PACRG: variants seen among roughly 807,000 people sequenced by gnomAD.
The protein encoded by PACRG is parkin coregulated gene protein.
PACRG carries 29 observed loss-of-function variants against 29.7 expected under a neutral mutation model. The observed-to-expected ratio is 0.98, with a 90% confidence interval of 0.73 to 1.33. The LOEUF (loss-of-function observed/expected upper bound fraction) is 1.33, where lower values mean the gene tolerates loss of function less well. PACRG is among the 40% of genes most tolerant of loss of function. PACRG has a pLI of 0.00. For missense variants in PACRG, 279 were observed against 316.2 expected (o/e 0.88, Z 0.89); for synonymous variants, 116 against 118.7 (o/e 0.98, Z 0.15).
At chr6:163,196,187 C>T (rs570424064) in intron 4 of PACRG, among the ~76,000 whole-genome samples, 1 of 152,234 alleles carries the variant, frequency 6.6e-6, no homozygotes, top group South Asian at 2.1e-4. Flanking sequence ...GGAAGTAGAA[C>T]CGTGCCCTGC....
chr6:162,940,391 C>CCT (rs145437947), intron 2 of PACRG, among the ~76,000 whole-genome samples: 3 of 150,524 alleles, frequency 2.0e-5, no homozygotes, highest in Admixed American at 1.3e-4. Context: ...TCTCTCTCTC[C>CCT]CTCTCTCTCT....
chr6:162,885,541 G>A (rs950603867), intron 2 of PACRG, among the ~76,000 whole-genome samples: 1 of 152,142 alleles, frequency 6.6e-6, no homozygotes, highest in Non-Finnish European at 1.5e-5. Context: ...AAAGTGCTGG[G>A]ATTACAGGTG....
At chr6:162,784,621 A>G (rs979636490) in intron 1 of PACRG, among the ~76,000 whole-genome samples, 3 of 152,200 alleles carry the variant, frequency 2.0e-5, no homozygotes, top group Non-Finnish European at 4.4e-5. Flanking sequence ...GTGGTGTGAT[A>G]TAAAAATCTG....
chr6:163,248,431 C>CAAAAA lies in PACRG; in HGVS notation c.614-66384_614-66380dup, dbSNP rs199676766. Among the ~76,000 whole-genome samples the CAAAAA allele has an allele frequency of 5.0e-3, 550 of 109,632 alleles. 4 individuals carry two copies. The highest frequency in any genetic ancestry group is 0.014 in the African/African-American group (481 of 33,308). 71.9% of individuals were successfully genotyped at this position (109,632 alleles called of 152,430 possible). ...GCAAGAGGGGAGTGCATATTTTATG[C>CAAAAA]AAAAAAAAAAAAAAAAGATTTTGTG... On this transcript the variant is annotated intron_variant, in intron 4 of 4. Coordinates refer to ENST00000366888, the MANE Select transcript of PACRG (RefSeq NM_001080379.2).
intron 2 of PACRG, among the ~76,000 whole-genome samples, chr6:162,899,386 G>A (rs1178776070): frequency 6.6e-6 from 1 of 152,108 alleles, no homozygotes; most frequent in Non-Finnish European, 1.5e-5. Context: ...GGGCCCAGAG[G>A]ACGTCTCACC....
At chr6:162,790,830 A>G (rs1461461289) in intron 1 of PACRG, among the ~76,000 whole-genome samples, 1 of 152,238 alleles carries the variant, frequency 6.6e-6, no homozygotes, top group Non-Finnish European at 1.5e-5. Context: ...AAGCCGGAAG[A>G]TAACTGAATA....
intron 2 of PACRG, among the ~76,000 whole-genome samples, chr6:162,869,116 G>A (rs1792579607): frequency 6.6e-6 from 1 of 152,142 alleles, no homozygotes; most frequent in East Asian, 1.9e-4. Flanking sequence ...ATTTGCTGGG[G>A]TTTGCCACTG....
At chr6:163,030,890 A>G (rs1010511567) in intron 2 of PACRG, among the ~76,000 whole-genome samples, 12 of 152,164 alleles carry the variant, frequency 7.9e-5, no homozygotes, top group Non-Finnish European at 1.5e-4. Flanking sequence ...CTTTACTGCA[A>G]CCTGTTTTAT....
At chr6:163,138,760 C>A (rs1817038585) in intron 4 of PACRG, among the ~76,000 whole-genome samples, 1 of 152,160 alleles carries the variant, frequency 6.6e-6, no homozygotes, top group African/African-American at 2.4e-5. Context: ...GAGATGTTCT[C>A]CTTTATCCCT....
chr6:163,098,073 A>C (rs1814762358), intron 4 of PACRG, among the ~76,000 whole-genome samples: 1 of 152,206 alleles, frequency 6.6e-6, no homozygotes, highest in Non-Finnish European at 1.5e-5. Context: ...CAGGCTGGAA[A>C]GTAAGCCACG....
intron 4 of PACRG, among the ~76,000 whole-genome samples, chr6:163,210,450 G>A (rs1254526636): frequency 6.6e-6 from 1 of 152,152 alleles, no homozygotes; most frequent in African/African-American, 2.4e-5. Flanking sequence ...TGAAAATAAA[G>A]CAGAGACCAC....
intron 4 of PACRG, among the ~76,000 whole-genome samples, chr6:163,243,107 C>T (rs1782562587): frequency 6.6e-6 from 1 of 152,206 alleles, no homozygotes; most frequent in Admixed American, 6.5e-5. Context: ...GACTTTTCTG[C>T]CTGTAAGCAA....
At chr6:163,274,336 C>T (rs1173178766) in intron 4 of PACRG, among the ~76,000 whole-genome samples, 2 of 152,178 alleles carry the variant, frequency 1.3e-5, no homozygotes, top group South Asian at 2.1e-4. Context: ...CCAGCTTCAT[C>T]CATGTCCCTA....
At chr6:163,144,029 G>C (rs1476134472) in intron 4 of PACRG, among the ~76,000 whole-genome samples, 2 of 152,056 alleles carry the variant, frequency 1.3e-5, no homozygotes, top group Non-Finnish European at 2.9e-5. Context: ...AGGAGTTTGA[G>C]ACCAGCCTGG....
intron 2 of PACRG, among the ~76,000 whole-genome samples, chr6:162,830,555 A>G (rs547719186): frequency 1.3e-5 from 2 of 152,194 alleles, no homozygotes; most frequent in Non-Finnish European, 2.9e-5. Flanking sequence ...ATGTTTCTCC[A>G]GAGCTCAATA....
At chr6:162,930,115 A>T (rs573777051) in intron 2 of PACRG, among the ~76,000 whole-genome samples, 8 of 151,990 alleles carry the variant, frequency 5.3e-5, no homozygotes, top group South Asian at 4.1e-4. Flanking sequence ...GATTTAAAAA[A>T]ATATATATTT....
chr6:163,058,459 T>C (rs965065239), intron 2 of PACRG, among the ~76,000 whole-genome samples: 1 of 152,156 alleles, frequency 6.6e-6, no homozygotes, highest in Non-Finnish European at 1.5e-5. Flanking sequence ...TTGCAAATAA[T>C]GTACAAACAG....
intron 3 of PACRG, among the ~76,000 whole-genome samples, chr6:163,066,919 A>T (rs544481971): frequency 6.6e-6 from 1 of 152,352 alleles, no homozygotes; most frequent in African/African-American, 2.4e-5. Context: ...TATAATGATT[A>T]AAATATTCAC....
Position 163,263,439 on chromosome 6 carries a change from G to T in PACRG, c.614-51388G>T, listed in dbSNP as rs549782068. On this transcript the variant is annotated intron_variant, in intron 4 of 4. Transcript: ENST00000366888. Reference sequence around the variant, plus strand: ...TCAGCACGTACAGAACACGCTGTGCGCCAAGGACCAGACCCTGCTGTGGAG... The same window carrying T: ...TCAGCACGTACAGAACACGCTGTGCTCCAAGGACCAGACCCTGCTGTGGAG... Among the ~76,000 whole-genome samples the T allele has an allele frequency of 1.1e-4, 17 of 152,266 alleles. No individual in the cohort carries two copies. In the East Asian group the frequency reaches 1.2e-3, roughly 10 times the overall value.
Sources: gnomAD v4.1 joint callset for allele counts (sites outside exome capture counted in the v4.1 genomes callset) on GRCh38, gnomAD v4.1.1 for gene constraint, MANE v1.5 for transcripts, NCBI Gene and HGNC (gene_info 2026-07-23, HGNC 2026-07-21) for gene names.